Variants in EIF4G3 observed in about 807,000 individuals in gnomAD.
The protein encoded by EIF4G3 is eIF-4-gamma 3.
EIF4G3 carries 34 observed loss-of-function variants against 186.4 expected under a neutral mutation model. The ratio of observed to expected loss-of-function variants is 0.18; its 90% CI spans 0.14 to 0.24. EIF4G3 has a LOEUF of 0.24. EIF4G3 is among the 10% of genes least tolerant of loss of function. The pLI is 1.00. For synonymous variants in EIF4G3, 673 were observed against 679.5 expected (o/e 0.99, Z 0.15); for missense variants, 1,536 against 1,948.5 (o/e 0.79, Z 3.99).
chr1:21,160,021 C>T (rs2097734326), intron 2 of EIF4G3, among the ~76,000 whole-genome samples: 1 of 151,404 alleles, frequency 6.6e-6, no homozygotes, highest in African/African-American at 2.4e-5. Context: ...TCAAGCTAAT[C>T]GCTTGAACCT....
At chr1:20,856,889 G>T (rs1004355323) in intron 25 of EIF4G3, among the ~76,000 whole-genome samples, 1 of 152,080 alleles carries the variant, frequency 6.6e-6, no homozygotes, top group African/African-American at 2.4e-5. Context: ...GAGGCCGGGC[G>T]CGGTGGCTCA....
chr1:20,956,398 A>G (rs764202278), intron 12 of EIF4G3, among the ~76,000 whole-genome samples: 7 of 152,144 alleles, frequency 4.6e-5, no homozygotes, highest in Non-Finnish European at 7.4e-5. Context: ...CAGAATCAAC[A>G]GAGGAGAGGC....
chr1:20,907,541 C>T (rs967370650), intron 14 of EIF4G3, among the ~76,000 whole-genome samples: 1 of 149,870 alleles, frequency 6.7e-6, no homozygotes, highest in Admixed American at 6.7e-5. Context: ...TCCCTCCCCC[C>T]TCCCCCAACC....
chr1:21,004,588 T>C (rs776028769), intron 4 of EIF4G3, among the ~76,000 whole-genome samples: 39 of 152,156 alleles, frequency 2.6e-4, no homozygotes, highest in Admixed American at 1.4e-3. Flanking sequence ...CAAATCACCT[T>C]TATTTATCAC....
intron 4 of EIF4G3, among the ~76,000 whole-genome samples, chr1:21,004,145 A>G (rs1015872289): frequency 6.6e-6 from 1 of 152,232 alleles, no homozygotes; most frequent in Non-Finnish European, 1.5e-5. Flanking sequence ...CCACACAGTT[A>G]ACTGTTATAT....
rs5772923 is a variant in EIF4G3, at chr1:20,900,512, T to TA, written c.1753-570dup. On this transcript the variant is annotated intron_variant, in intron 15 of 36. Transcript: ENST00000602326. ...TGACCATATAGAAAAATCTTGTATA[T>TA]AAAAAAAAAAAAAGAGAGAGAGAGA... Among the ~76,000 whole-genome samples the TA allele has an allele frequency of 5.7e-3, 702 of 122,920 alleles. 1 individual carries two copies. The highest frequency in any genetic ancestry group is 0.013 in the African/African-American group (413 of 31,202). 80.6% of individuals were successfully genotyped at this position (122,920 alleles called of 152,430 possible). A position where few individuals can be genotyped will look rare whatever the true frequency, so the allele number is the denominator to read the frequency against.
intron 2 of EIF4G3, among the ~76,000 whole-genome samples, chr1:21,171,698 A>G (rs1472771534): frequency 6.6e-6 from 1 of 152,202 alleles, no homozygotes; most frequent in Admixed American, 6.5e-5. Context: ...AGACAATCAT[A>G]AGCAATTATA....
At chr1:21,166,588 T>C (rs551002445) in intron 2 of EIF4G3, among the ~76,000 whole-genome samples, 1 of 152,190 alleles carries the variant, frequency 6.6e-6, no homozygotes, top group East Asian at 1.9e-4. Context: ...TGCCCCAATG[T>C]GGTGGCGTGC....
intron 2 of EIF4G3, among the ~76,000 whole-genome samples, chr1:21,119,070 T>TA (rs1274397162): frequency 6.6e-6 from 1 of 152,048 alleles, no homozygotes; most frequent in Non-Finnish European, 1.5e-5. Flanking sequence ...TAAGTATGTA[T>TA]ATGGCTGACT....
At chr1:20,814,142 T>G (rs1413879896) in intron 34 of EIF4G3, among the ~76,000 whole-genome samples, 1 of 151,704 alleles carries the variant, frequency 6.6e-6, no homozygotes, top group Non-Finnish European at 1.5e-5. Flanking sequence ...AATTTTTTAG[T>G]ACTTTTAGTA....
chr1:20,807,556 A>G (rs1003074967), intron 36 of EIF4G3, 56 bp from the exon 37 acceptor site: 3 of 1,384,584 alleles, frequency 2.2e-6, no homozygotes, highest in Middle Eastern at 2.3e-4. Flanking sequence ...TATGAGGAAA[A>G]GAATATATTT....
chr1:20,996,372 A>T (rs2082286698), intron 7 of EIF4G3, among the ~76,000 whole-genome samples: 1 of 152,130 alleles, frequency 6.6e-6, no homozygotes, highest in Non-Finnish European at 1.5e-5. Context: ...ATTATCTCTG[A>T]ATTAAAAAAA....
At chr1:20,969,739 C>G (rs970819589) in intron 11 of EIF4G3, 143 bp from the exon 12 acceptor site, 2 of 715,300 alleles carry the variant, frequency 2.8e-6, no homozygotes, top group Admixed American at 2.8e-5. Flanking sequence ...TTATTTCAAT[C>G]ACAGATCCAT....
intron 11 of EIF4G3, among the ~76,000 whole-genome samples, chr1:20,970,038 A>T (rs959388148): frequency 6.6e-6 from 1 of 151,962 alleles, no homozygotes; most frequent in Non-Finnish European, 1.5e-5. Flanking sequence ...ATCTCGGCTC[A>T]CTGCAATCTC....
intron 34 of EIF4G3, among the ~76,000 whole-genome samples, chr1:20,815,785 G>T (rs1286051608): frequency 1.5e-5 from 2 of 129,826 alleles, no homozygotes; most frequent in Non-Finnish European, 3.3e-5. Context: ...AGGTGGGGGG[G>T]TCAGCCCCCC....
chr1:20,809,703 T>C (rs2058845165), intron 36 of EIF4G3, among the ~76,000 whole-genome samples: 1 of 152,220 alleles, frequency 6.6e-6, no homozygotes, highest in South Asian at 2.1e-4. Context: ...TTAACCATTT[T>C]CATGCCCTAG....
At chr1:21,109,887 C>G (rs1222557242) in intron 2 of EIF4G3, among the ~76,000 whole-genome samples, 1 of 151,980 alleles carries the variant, frequency 6.6e-6, no homozygotes, top group Non-Finnish European at 1.5e-5. Context: ...TAGGTTCAAG[C>G]GATTCTCCCG....
At chr1:21,035,294 C>T (rs1211661679) in intron 4 of EIF4G3, among the ~76,000 whole-genome samples, 1 of 152,232 alleles carries the variant, frequency 6.6e-6, no homozygotes, top group African/African-American at 2.4e-5. Context: ...AGAAGGAGCA[C>T]AGCTAAGGCT....
intron 17 of EIF4G3, among the ~76,000 whole-genome samples, chr1:20,895,004 C>T (rs6692553): frequency 0.53 from 80,200 of 151,870 alleles, 21,753 homozygotes; most frequent in East Asian, 0.83. Flanking sequence ...GTCTTCAATG[C>T]CAATAGAATT....
Sources: allele counts gnomAD v4.1 joint callset (sites outside exome capture counted in the v4.1 genomes callset), GRCh38; gene constraint gnomAD v4.1.1; transcripts MANE v1.5; gene names NCBI Gene and HGNC (gene_info 2026-07-23, HGNC 2026-07-21).